The following SLC28A3 variants were observed in gnomAD, a reference collection of about 807,000 sequenced individuals.
SLC28A3 encodes the protein solute carrier family 28 member 3.
In SLC28A3, 68 loss-of-function variants were observed where a neutral mutation model predicts 84.2. The ratio of observed to expected loss-of-function variants is 0.81; its 90% CI spans 0.66 to 0.99. The LOEUF is 0.99. Ranked by LOEUF, SLC28A3 falls within the 50% of genes least tolerant of loss-of-function variation. The probability of loss-of-function intolerance (pLI) is 0.00; values close to 1 mark genes in which losing one functional copy is unlikely to be tolerated. For synonymous variants in SLC28A3, 267 were observed against 303.6 expected (o/e 0.88, Z 1.25); for missense variants, 712 against 841.5 (o/e 0.85, Z 1.90).
chr9:84,353,847 GT>G, the SLC28A3 span, among the ~76,000 whole-genome samples: 1 of 152,138 alleles, frequency 6.6e-6, no homozygotes, highest in Admixed American at 6.5e-5. Flanking sequence ...GTTAATTTTA[GT>G]TTTACTTATT....
chr9:84,281,617 C>A (rs2118050870), intron 14 of SLC28A3, among the ~76,000 whole-genome samples: 1 of 152,266 alleles, frequency 6.6e-6, no homozygotes, highest in African/African-American at 2.4e-5. Flanking sequence ...AATGACCCAG[C>A]AATTTTTCTA....
chr9:84,353,511 G>A, the SLC28A3 span, among the ~76,000 whole-genome samples: 6 of 152,064 alleles, frequency 3.9e-5, no homozygotes, highest in Non-Finnish European at 8.8e-5. Flanking sequence ...GGAGTTCGAG[G>A]CCAGCATGGC....
At chr9:84,326,156 A>G (rs1346769648) in intron 1 of SLC28A3, among the ~76,000 whole-genome samples, 1 of 152,108 alleles carries the variant, frequency 6.6e-6, no homozygotes, top group Non-Finnish European at 1.5e-5. Flanking sequence ...TATTCTATAT[A>G]AAATTCCAGA....
intron 14 of SLC28A3, 31 bp from the exon 15 acceptor site, chr9:84,280,913 A>G: frequency 1.2e-6 from 2 of 1,605,162 alleles, no homozygotes; most frequent in Non-Finnish European, 1.7e-6. Context: ...ATATGTATAC[A>G]CAATCTGAGC....
intron 1 of SLC28A3, 134 bp downstream of exon 1, chr9:84,340,439 TG>T: frequency 1.1e-6 from 1 of 888,582 alleles, no homozygotes; most frequent in Non-Finnish European, 1.8e-6. Context: ...GAAAAAATAA[TG>T]GGCTTAAAGT....
the SLC28A3 span, among the ~76,000 whole-genome samples, chr9:84,365,711 A>T: frequency 6.6e-6 from 1 of 152,132 alleles, no homozygotes; most frequent in Non-Finnish European, 1.5e-5. Flanking sequence ...ATGGATATCC[A>T]GTTTTTTATT....
At chr9:84,289,941 T>C in intron 11 of SLC28A3, 1 of 425,488 alleles carries the variant, frequency 2.4e-6, no homozygotes, top group East Asian at 3.7e-5. Context: ...ATTCTGCAGA[T>C]AGAACTCACA....
At chr9:84,291,337 G>C (rs1162491442) in intron 10 of SLC28A3, among the ~76,000 whole-genome samples, 4 of 151,284 alleles carry the variant, frequency 2.6e-5, no homozygotes, top group Non-Finnish European at 5.9e-5. Context: ...AGTAAGCATA[G>C]GTTTTTTTTC....
At chr9:84,366,538 G>A in the SLC28A3 span, among the ~76,000 whole-genome samples, 1 of 152,162 alleles carries the variant, frequency 6.6e-6, no homozygotes, top group Non-Finnish European at 1.5e-5. Flanking sequence ...TTCTTGGGAA[G>A]GGTTTCCAGA....
chr9:84,307,437 A>AAAAAAAAC (rs746033354), intron 3 of SLC28A3, among the ~76,000 whole-genome samples: 11,729 of 110,922 alleles, frequency 0.11, 623 homozygotes, highest in East Asian at 0.2. Context: ...TCTCAAAAAA[A>AAAAAAAAC]AAAAAAAACA....
chr9:84,335,711 ACG>A (rs1491338517), intron 1 of SLC28A3, among the ~76,000 whole-genome samples: 1 of 111,676 alleles, frequency 9.0e-6, no homozygotes, highest in African/African-American at 3.5e-5. Context: ...GTATGTATAT[ACG>A]TGTGTGTGTG....
intron 1 of SLC28A3, among the ~76,000 whole-genome samples, chr9:84,334,075 C>A (rs758917206): frequency 6.6e-6 from 1 of 152,138 alleles, no homozygotes; most frequent in African/African-American, 2.4e-5. Context: ...GAGGCCAAGG[C>A]GGGTGGATCA....
chr9:84,340,554 A>AT lies in SLC28A3; in HGVS notation c.60+19_60+20insA, dbSNP rs1827127570. On this transcript the variant is annotated intron_variant, in intron 1 of 17. Coordinates refer to ENST00000376238, the MANE Select transcript of SLC28A3 (RefSeq NM_001199633.2). ...CTTTTCCACTGAAGGCCTTTAACAT[A>AT]AGAGGAAAGCTCTGCTCACCTGGAA... 83 of 1,613,856 alleles carry AT rather than the reference A, an allele frequency of 5.1e-5. No individual in the cohort carries two copies. The highest frequency in any genetic ancestry group is 6.9e-5 in the Non-Finnish European group (82 of 1,179,874).
At chr9:84,289,269 C>T (rs542556430) in intron 11 of SLC28A3, among the ~76,000 whole-genome samples, 5 of 152,256 alleles carry the variant, frequency 3.3e-5, no homozygotes, top group Admixed American at 1.3e-4. Context: ...ATTGGCACTC[C>T]GAGGCCTGGA....
At chr9:84,325,871 A>G (rs1476058101) in intron 1 of SLC28A3, among the ~76,000 whole-genome samples, 1 of 152,170 alleles carries the variant, frequency 6.6e-6, no homozygotes, top group African/African-American at 2.4e-5. Flanking sequence ...TTCAAACAAC[A>G]CAAGACATGC....
intron 1 of SLC28A3, among the ~76,000 whole-genome samples, chr9:84,333,105 T>C (rs1341555993): frequency 6.6e-6 from 1 of 152,064 alleles, no homozygotes; most frequent in African/African-American, 2.4e-5. Context: ...GGCGGGATAG[T>C]GAGAAGCACA....
upstream of SLC28A3, among the ~76,000 whole-genome samples, chr9:84,342,022 G>A (rs1373346035): frequency 2.6e-5 from 4 of 151,438 alleles, no homozygotes; most frequent in Non-Finnish European, 4.4e-5. Flanking sequence ...CCAGCTACTC[G>A]GGAGGCTGAG....
At chr9:84,284,126 A>G (rs1824881464) in intron 14 of SLC28A3, among the ~76,000 whole-genome samples, 1 of 152,236 alleles carries the variant, frequency 6.6e-6, no homozygotes, top group South Asian at 2.1e-4. Flanking sequence ...GCTCATTAAC[A>G]AAACGATTCT....
Position 84,277,979 on chromosome 9 carries a change from A to G in SLC28A3, c.*239T>C, listed in dbSNP as rs3750406. ...AATCCCATTGAGACTGGAATCAACA[A>G]CACCTCACTTTGGGACATCATAGCA... is the stretch of plus-strand genomic sequence containing the variant. On this transcript the variant is annotated 3_prime_UTR_variant, in exon 18 of 18. Coordinates refer to ENST00000376238, the MANE Select transcript of SLC28A3 (RefSeq NM_001199633.2). The G allele has an allele frequency of 2.1e-6, 1 of 484,260 alleles. No individual in the cohort carries two copies. The highest frequency in any genetic ancestry group is 3.5e-5 in the Admixed American group (1 of 28,822). 30.0% of individuals were successfully genotyped at this position (484,260 alleles called of 1,614,324 possible).
Sources: allele counts gnomAD v4.1 joint callset (sites outside exome capture counted in the v4.1 genomes callset), GRCh38; gene constraint gnomAD v4.1.1; transcripts MANE v1.5; gene names NCBI Gene and HGNC (gene_info 2026-07-23, HGNC 2026-07-21).